Variants in ADCY5 observed in about 807,000 individuals in gnomAD.
ADCY5 encodes adenylate cyclase type 5.
ADCY5 carries 30 observed loss-of-function variants against 119.7 expected under a neutral mutation model. The ratio of observed to expected loss-of-function variants is 0.25; its 90% CI spans 0.19 to 0.34. The LOEUF is 0.34. Among genes scored for constraint, ADCY5 ranks in the 10% least tolerant of loss-of-function variants. The pLI is 1.00. For synonymous variants in ADCY5, 753 were observed against 762.2 expected (o/e 0.99, Z 0.20); for missense variants, 1,324 against 1,775.2 (o/e 0.75, Z 4.57).
intron 1 of ADCY5, among the ~76,000 whole-genome samples, chr3:123,421,220 A>C (rs1265228415): frequency 2.0e-5 from 3 of 152,214 alleles, no homozygotes; most frequent in African/African-American, 7.2e-5. Context: ...ACTATAAAAG[A>C]GTAAATCTTC....
chr3:123,415,481 C>T (rs1469291382), intron 1 of ADCY5, among the ~76,000 whole-genome samples: 1 of 152,204 alleles, frequency 6.6e-6, no homozygotes, highest in African/African-American at 2.4e-5. Context: ...TCTTTCTGAG[C>T]TTGTCCTCCC....
At chr3:123,422,326 C>T (rs1166016787) in intron 1 of ADCY5, among the ~76,000 whole-genome samples, 1 of 152,202 alleles carries the variant, frequency 6.6e-6, no homozygotes, top group Non-Finnish European at 1.5e-5. Flanking sequence ...ATTTAGTAGA[C>T]GTACCTCCTC....
rs985352903 is a variant in ADCY5, at chr3:123,289,932, C to T, written c.3350G>A (p.Arg1117Gln). 8 of 1,614,174 alleles carry T rather than the reference C, an allele frequency of 5.0e-6. No homozygotes were observed. Among genetic ancestry groups the T allele is most frequent in the Admixed American group, 1.7e-5 (1 of 60,032 alleles). The change falls in exon 19 of 21, where the codon CGG becomes CAG. Residue 1117 changes from arginine (R) to glutamine (Q), a missense_variant. Transcript: ENST00000462833. ...GATGGTCTTGATCTTCTCCAGCTGC[C>T]GGAACCGATCCTCGCTGATGATCTG... ...FDEIISEDRF[R>Q]QLEKIKTIGS...
intron 8 of ADCY5, among the ~76,000 whole-genome samples, chr3:123,323,072 A>G (rs529398668): frequency 2.6e-5 from 4 of 152,266 alleles, no homozygotes; most frequent in Admixed American, 6.5e-5. Flanking sequence ...CCCAGCCTAG[A>G]TATTCCCACG....
intron 1 of ADCY5, among the ~76,000 whole-genome samples, chr3:123,395,816 G>A (rs575958027): frequency 2.6e-5 from 4 of 151,456 alleles, no homozygotes; most frequent in East Asian, 1.9e-4. Flanking sequence ...CTAGGAAGTC[G>A]AGGTTGCAGT....
chr3:123,445,416 A>T (rs1196663047), intron 1 of ADCY5, among the ~76,000 whole-genome samples: 1 of 143,454 alleles, frequency 7.0e-6, no homozygotes, highest in East Asian at 2.0e-4. Flanking sequence ...CTACAGCTGT[A>T]ATCAGACCCT....
chr3:123,445,247 G>C (rs745799745), intron 1 of ADCY5, among the ~76,000 whole-genome samples: 2 of 152,200 alleles, frequency 1.3e-5, no homozygotes, highest in Non-Finnish European at 2.9e-5. Flanking sequence ...GGAGAGAAGG[G>C]AGAGGGATTT....
chr3:123,427,297 C>G (rs1012191661), intron 1 of ADCY5, among the ~76,000 whole-genome samples: 6 of 152,224 alleles, frequency 3.9e-5, no homozygotes, highest in African/African-American at 1.2e-4. Flanking sequence ...TATCTATTTA[C>G]TCTCCTACAC....
chr3:123,435,262 G>C (rs972113239), intron 1 of ADCY5, among the ~76,000 whole-genome samples: 5 of 152,204 alleles, frequency 3.3e-5, no homozygotes, highest in African/African-American at 1.2e-4. Context: ...CTCCAGCCTG[G>C]GCAACAGGGC....
intron 3 of ADCY5, among the ~76,000 whole-genome samples, chr3:123,339,271 T>A (rs757948025): frequency 1.3e-5 from 2 of 152,132 alleles, no homozygotes; most frequent in East Asian, 3.9e-4. Context: ...GAAGAATCCT[T>A]TGGGCTCACA....
intron 12 of ADCY5, among the ~76,000 whole-genome samples, chr3:123,305,918 G>A (rs944672809): frequency 6.6e-6 from 1 of 152,184 alleles, no homozygotes; most frequent in Non-Finnish European, 1.5e-5. Flanking sequence ...CGCCTCCCAG[G>A]TTCATGCCAT....
intron 1 of ADCY5, among the ~76,000 whole-genome samples, chr3:123,397,995 A>G (rs1453616879): frequency 6.6e-6 from 1 of 152,126 alleles, no homozygotes. Context: ...TCCTGTTGAA[A>G]AGTCTACCTG....
intron 1 of ADCY5, among the ~76,000 whole-genome samples, chr3:123,404,929 C>T (rs151313757): frequency 1.2e-3 from 189 of 152,338 alleles, no homozygotes; most frequent in African/African-American, 4.0e-3. Flanking sequence ...GAAAAAGAGA[C>T]CTCACCAGTG....
intron 1 of ADCY5, among the ~76,000 whole-genome samples, chr3:123,357,377 C>A (rs529705536): frequency 1.2e-4 from 18 of 152,170 alleles, no homozygotes; most frequent in African/African-American, 4.1e-4. Flanking sequence ...GAGGCATGAC[C>A]CCCAAAGCAA....
chr3:123,301,007 A>C (rs1009055227), intron 14 of ADCY5, among the ~76,000 whole-genome samples: 1 of 152,072 alleles, frequency 6.6e-6, no homozygotes, highest in African/African-American at 2.4e-5. Context: ...GTTTCAGAGG[A>C]GGGATCGTGC....
intron 12 of ADCY5, among the ~76,000 whole-genome samples, chr3:123,311,024 T>C (rs1158864989): frequency 6.6e-6 from 1 of 152,234 alleles, no homozygotes; most frequent in Non-Finnish European, 1.5e-5. Flanking sequence ...AACACTCTCA[T>C]ATTTCTCTCT....
intron 15 of ADCY5, 76 bp downstream of exon 15, chr3:123,300,044 C>A: frequency 6.6e-7 from 1 of 1,513,748 alleles, no homozygotes; most frequent in Non-Finnish European, 9.1e-7. Flanking sequence ...GGTGCCAGAA[C>A]CCTAAACCTC....
intron 1 of ADCY5, among the ~76,000 whole-genome samples, chr3:123,403,380 C>CAAAAAAAA (rs35626615): frequency 1.6e-4 from 11 of 68,510 alleles, no homozygotes; most frequent in African/African-American, 6.9e-4. Context: ...GACCCTGTCT[C>CAAAAAAAA]AAAAAAAAAA....
At chr3:123,298,445 C>A (rs1313170036) in intron 15 of ADCY5, among the ~76,000 whole-genome samples, 1 of 152,148 alleles carries the variant, frequency 6.6e-6, no homozygotes, top group Non-Finnish European at 1.5e-5. Flanking sequence ...AGCCCTGAAC[C>A]AAGAGTAGAA....
Sources: gnomAD v4.1 joint callset for allele counts (sites outside exome capture counted in the v4.1 genomes callset) on GRCh38, gnomAD v4.1.1 for gene constraint, MANE v1.5 for transcripts, NCBI Gene and HGNC (gene_info 2026-07-23, HGNC 2026-07-21) for gene names.